The following RARA variants were observed in gnomAD, a reference collection of about 807,000 sequenced individuals.
The protein encoded by RARA is retinoic acid receptor alpha.
In RARA, 5 loss-of-function variants were observed where a neutral mutation model predicts 42.8. The observed-to-expected ratio is 0.12, with a 90% confidence interval of 0.06 to 0.25. The LOEUF (loss-of-function observed/expected upper bound fraction) is 0.25, where lower values mean the gene tolerates loss of function less well. RARA is among the 10% of genes least tolerant of loss of function. The pLI, the probability that RARA is intolerant of heterozygous loss-of-function variation, is 1.00. For missense variants in RARA, 402 were observed against 628.7 expected, an observed-to-expected ratio of 0.64 and a Z score of 3.86; for synonymous variants, 256 against 259.5, an observed-to-expected ratio of 0.99 and a Z score of 0.13.
At chr17:40,319,478 T>C (rs2033308056) in intron 1 of RARA, among the ~76,000 whole-genome samples, 1 of 152,094 alleles carries the variant, frequency 6.6e-6, no homozygotes, top group Non-Finnish European at 1.5e-5. Flanking sequence ...TGTGCACATA[T>C]GTGTATGTAG....
chr17:40,315,124 TTA>T (rs1206082306), intron 1 of RARA, among the ~76,000 whole-genome samples: 1,740 of 56,752 alleles, frequency 0.031, 33 homozygotes, highest in Non-Finnish European at 0.045. Context: ...ATATATATGC[TTA>T]TATGTGTATA....
At chr17:40,330,318 C>T (rs924635636) in intron 1 of RARA, among the ~76,000 whole-genome samples, 7 of 152,116 alleles carry the variant, frequency 4.6e-5, no homozygotes, top group Admixed American at 6.5e-5. Context: ...TTAGTGTGTA[C>T]GTAAATGGGC....
Position 40,355,393 on chromosome 17 carries a change from T to A in RARA, c.1143T>A (p.Ile381=). ...TGTTCCCCAAGATGCTAATGAAGAT[T>A]ACTGACCTGCGAAGCATCAGCGCCA... The part of the protein sequence containing the change: ...PHMFPKMLMK[I]TDLRSISAKG... Residue 381 remains isoleucine, a synonymous_variant, in exon 8 of 9, where the codon ATT becomes ATA. Transcript: ENST00000254066. The surrounding 1 kb of genome is among the most constrained non-coding windows in gnomAD (Gnocchi z 4.1). The A allele has an allele frequency of 6.2e-7, 1 of 1,613,974 alleles. No homozygotes were observed. The highest frequency in any genetic ancestry group is 8.5e-7 in the Non-Finnish European group (1 of 1,179,918).
At position 40,325,860 on chromosome 17, in the gene RARA, A is replaced by G. The variant is rs73983035; in HGVS notation, c.-362-4997A>G. On this transcript the variant is annotated intron_variant, in intron 1 of 8. Coordinates refer to ENST00000254066, the MANE Select transcript of RARA (RefSeq NM_000964.4). ...GGAGACTGGAGAACAGAGAGAATGAATGAGGAAGAGAGGTTGGGGCCAGTC... is the reference window on the plus strand; with the variant it reads ...GGAGACTGGAGAACAGAGAGAATGAGTGAGGAAGAGAGGTTGGGGCCAGTC... 2.7e-3 allele frequency among the ~76,000 whole-genome samples: 414 copies of G among 152,286 alleles called. 2 individuals carry two copies. Among genetic ancestry groups the G allele is most frequent in the African/African-American group, 9.5e-3 (396 of 41,554 alleles).
intron 4 of RARA, among the ~76,000 whole-genome samples, chr17:40,350,820 A>AGTG (rs34627238): frequency 0.18 from 27,249 of 151,768 alleles, 5,466 homozygotes; most frequent in African/African-American, 0.5. Context: ...GAGCCCAGGA[A>AGTG]GTGGCTCCTG....
Position 40,356,506 on chromosome 17 carries a change from G to C in RARA, c.*280G>C. On this transcript the variant is annotated 3_prime_UTR_variant, in exon 9 of 9. Transcript: ENST00000254066. ...CTGGGTCTCAGGATGGGTCCTGGGG[G>C]CCTCGTGTTCATCAAGACACCCCTC... The C allele has an allele frequency of 1.5e-6, 1 of 668,930 alleles. No homozygotes were observed. The highest frequency in any genetic ancestry group is 1.5e-5 in the South Asian group (1 of 66,456). The allele number at this position is 668,930 out of a possible 1,614,324, so 41.4% of individuals were successfully genotyped here.
Position 40,348,304 on chromosome 17 carries a change from TTCTC to T in RARA, c.179-6_179-3del. On this transcript the variant is annotated splice_polypyrimidine_tract_variant and splice_region_variant and intron_variant, in intron 2 of 8. Transcript: ENST00000254066. ...TAGGTCTCTAACTGCCCCTCCCCTC[TTCTC>T]TCTCTAGCCATTGAGACCCAGAGCA... 1.9e-6 allele frequency: 3 copies of T among 1,565,940 alleles called. No individual in the cohort carries two copies. Among genetic ancestry groups the T allele is most frequent in the Non-Finnish European group, 2.6e-6 (3 of 1,155,972 alleles).
At chr17:40,311,544 A>G (rs925358279) in intron 1 of RARA, among the ~76,000 whole-genome samples, 2 of 152,118 alleles carry the variant, frequency 1.3e-5, no homozygotes, top group African/African-American at 4.8e-5. Flanking sequence ...TTGTTCAGAA[A>G]TGTTTCACTT....
rs2034613806 is a variant in RARA, at chr17:40,356,096, T to C, written c.1259T>C (p.Leu420Pro). The change falls in exon 9 of 9, where the codon CTG (leucine) becomes CCG (proline). Residue 420 changes from leucine to proline, a missense_variant. Around this residue, in one of 5 missense-constraint regions of RARA, gnomAD observed 73 missense variants for 59.8 expected, o/e 1.22. Transcript: ENST00000254066. ...IQEMLENSEG[L>P]DTLSGQPGGG... ...GAAATGTTGGAGAACTCAGAGGGCC[T>C]GGACACTCTGAGCGGACAGCCGGGG... The C allele has an allele frequency of 3.7e-6, 4 of 1,076,680 alleles. No individual in the cohort carries two copies. The East Asian group carries it at 2.0e-4, about 55-fold the overall frequency. The allele number at this position is 1,076,680 out of a possible 1,614,324, so 66.7% of individuals were successfully genotyped here.
intron 2 of RARA, among the ~76,000 whole-genome samples, chr17:40,337,422 G>C (rs1393752554): frequency 3.3e-5 from 5 of 152,140 alleles, no homozygotes; most frequent in African/African-American, 7.2e-5. Context: ...GATCCTGAAG[G>C]CTGGAGAGAA....
At position 40,351,800 on chromosome 17, in the gene RARA, T is replaced by C; in HGVS notation, c.470-110T>C. ...TGAACGCGTGCTGTGTGCGCGTGCT[T>C]ACAAGCCTGGGTGACCTCCTCAGCA... On this transcript the variant is annotated intron_variant, in intron 4 of 8. Coordinates refer to ENST00000254066, the MANE Select transcript of RARA (RefSeq NM_000964.4). This position sits in a 1 kb window ranked among gnomAD's most constrained non-coding sequence, Gnocchi z 4.1. 1 of 1,433,874 alleles carries C rather than the reference T, an allele frequency of 7.0e-7. No individual in the cohort carries two copies. Among genetic ancestry groups the C allele is most frequent in the South Asian group, 1.3e-5 (1 of 77,110 alleles). The allele number at this position is 1,433,874 out of a possible 1,614,324, so 88.8% of individuals were successfully genotyped here. A position where few individuals can be genotyped will look rare whatever the true frequency, so the allele number is the denominator to read the frequency against.
At position 40,355,780 on chromosome 17, in the gene RARA, C is replaced by G. The variant is rs987208621; in HGVS notation, c.1172-229C>G. ...GGGAAGGAAGGGCTTGGCGTCTAGCCCAGGCCGGCAGTCTGGCCCTGGAGC... is the reference window on the plus strand; with the variant it reads ...GGGAAGGAAGGGCTTGGCGTCTAGCGCAGGCCGGCAGTCTGGCCCTGGAGC... On this transcript the variant is annotated intron_variant, in intron 8 of 8. Transcript: ENST00000254066. This position sits in a 1 kb window ranked among gnomAD's most constrained non-coding sequence, Gnocchi z 4.1. Among the ~76,000 whole-genome samples, 3 of 152,226 alleles carry G rather than the reference C, an allele frequency of 2.0e-5. No homozygotes were observed. Among genetic ancestry groups the G allele is most frequent in the African/African-American group, 7.2e-5 (3 of 41,454 alleles).
At chr17:40,311,538 T>G (rs2033095057) in intron 1 of RARA, among the ~76,000 whole-genome samples, 1 of 152,154 alleles carries the variant, frequency 6.6e-6, no homozygotes, top group Non-Finnish European at 1.5e-5. Context: ...CTCTTCTTGT[T>G]CAGAAATGTT....
chr17:40,313,984 T>C (rs2033143733), intron 1 of RARA, among the ~76,000 whole-genome samples: 1 of 152,172 alleles, frequency 6.6e-6, no homozygotes, highest in African/African-American at 2.4e-5. Flanking sequence ...TTAGTGGTTG[T>C]AGCCAGAGCA....
intron 1 of RARA, among the ~76,000 whole-genome samples, chr17:40,317,050 C>T (rs1465633908): frequency 6.6e-6 from 1 of 152,272 alleles, no homozygotes; most frequent in Non-Finnish European, 1.5e-5. Context: ...CTAGACCCGG[C>T]TCTGCAACCG....
chr17:40,319,762 G>C (rs1018294211), intron 1 of RARA, among the ~76,000 whole-genome samples: 2 of 152,192 alleles, frequency 1.3e-5, no homozygotes, highest in African/African-American at 2.4e-5. Context: ...AGGCTGTGCC[G>C]GGGAAGCCCC....
At chr17:40,327,703 C>T (rs73309034) in intron 1 of RARA, among the ~76,000 whole-genome samples, 2,221 of 152,312 alleles carry the variant, frequency 0.015, 60 homozygotes, top group African/African-American at 0.051. Flanking sequence ...GGGCTGCAGG[C>T]GTGCTCTTGC....
rs1004266743 is a variant in RARA, at chr17:40,355,475, CCA to C, written c.1171+57_1171+58del. On this transcript the variant is annotated intron_variant, in intron 8 of 8. Coordinates refer to ENST00000254066, the MANE Select transcript of RARA (RefSeq NM_000964.4). The surrounding 1 kb of genome is among the most constrained non-coding windows in gnomAD (Gnocchi z 4.1). Reference sequence around the variant, plus strand: ...GGCCCCCGACACCTGGCCCAGGCCCCCACATCCAAGCCAGCACCCCATGTCTT... The same window carrying C: ...GGCCCCCGACACCTGGCCCAGGCCCCCATCCAAGCCAGCACCCCATGTCTT... 33 of 1,557,136 alleles carry C rather than the reference CCA, an allele frequency of 2.1e-5. No individual in the cohort carries two copies. The African/African-American group carries it at 2.9e-4, about 13-fold the overall frequency.
At chr17:40,339,915 C>T (rs184999017) in intron 2 of RARA, among the ~76,000 whole-genome samples, 1 of 152,262 alleles carries the variant, frequency 6.6e-6, no homozygotes, top group African/African-American at 2.4e-5. Context: ...GTCCTCTTCG[C>T]CATTAGTCTC....
Sources: allele counts gnomAD v4.1 joint callset (sites outside exome capture counted in the v4.1 genomes callset), GRCh38; gene constraint gnomAD v4.1.1; regional missense constraint gnomAD v4.1.1; non-coding constraint Gnocchi (gnomAD v3.1); transcripts MANE v1.5; gene names NCBI Gene and HGNC (gene_info 2026-07-23, HGNC 2026-07-21).